Variants in PLEKHA7 observed in about 807,000 individuals in gnomAD.
PLEKHA7 encodes pleckstrin homology domain-containing family A member 7.
Under a neutral mutation model 170.0 loss-of-function variants are expected in PLEKHA7, and 104 were observed. The observed-to-expected ratio is 0.61, with a 90% confidence interval of 0.52 to 0.72. PLEKHA7 has a LOEUF of 0.72. Ranked by LOEUF, PLEKHA7 falls within the 30% of genes least tolerant of loss-of-function variation. The probability of loss-of-function intolerance (pLI) is 0.00; values close to 1 mark genes in which losing one functional copy is unlikely to be tolerated. For synonymous variants in PLEKHA7, 648 were observed against 660.8 expected, an observed-to-expected ratio of 0.98 and a Z score of 0.30; for missense variants, 1,615 against 1,671.7, an observed-to-expected ratio of 0.97 and a Z score of 0.59.
Position 16,789,838 on chromosome 11 carries a change from GGTGGACGACTGCTGGAGCCTTGAC to G in PLEKHA7, c.3069_3092del (p.Ser1024_Thr1031del). 4.3e-6 allele frequency: 7 copies of G among 1,614,144 alleles called. No homozygotes were observed. The highest frequency in any genetic ancestry group is 5.9e-6 in the Non-Finnish European group (7 of 1,180,002). ...TCCGGAGTGTGACGTAGGGAGCAAT[GGTGGACGACTGCTGGAGCCTTGAC>G]GTGGACCCTGAGAGCCCTTAGTGAG... On this transcript the variant is annotated inframe_deletion, in exon 22 of 27. Transcript: ENST00000531066. This position sits in a 1 kb window ranked among gnomAD's most constrained non-coding sequence, Gnocchi z 4.6.
At chr11:16,926,179 T>C (rs1016746026) in intron 3 of PLEKHA7, among the ~76,000 whole-genome samples, 3 of 152,238 alleles carry the variant, frequency 2.0e-5, no homozygotes, top group Non-Finnish European at 4.4e-5. Flanking sequence ...GAATGAAGAC[T>C]TGGTTGGATG....
intron 3 of PLEKHA7, among the ~76,000 whole-genome samples, chr11:16,944,589 A>G (rs942914333): frequency 6.6e-6 from 1 of 152,132 alleles, no homozygotes; most frequent in African/African-American, 2.4e-5. Context: ...ATATTTGACA[A>G]AACAGGGCAC....
rs760552695 is a variant in PLEKHA7 at position 16,794,594 on chromosome 11, C to T, written c.2639G>A (p.Arg880Gln). ...GTAGGTTTGCAGCTGGGGGAAGAGT[C>T]GAACCTCCAGAGGGGTCCGCACAGG... ...TSPVRTPLEV[R>Q]LFPQLQTYVP... Residue 880 changes from arginine to glutamine, a missense_variant, in exon 19 of 27, where the codon CGA becomes CAA. Transcript: ENST00000531066. The T allele has an allele frequency of 1.1e-5, 17 of 1,613,014 alleles. No individual in the cohort carries two copies. Among genetic ancestry groups the T allele is most frequent in the South Asian group, 5.5e-5 (5 of 90,958 alleles).
intron 3 of PLEKHA7, among the ~76,000 whole-genome samples, chr11:16,947,924 A>G (rs561301898): frequency 1.5e-5 from 2 of 135,250 alleles, no homozygotes; most frequent in Non-Finnish European, 3.4e-5. Context: ...TCAAAAAAAA[A>G]AAAAAAAAGA....
rs1402201331 is a variant in PLEKHA7 at position 16,855,859 on chromosome 11, T to C, written c.361A>G (p.Ser121Gly). Residue 121 changes from serine (S) to glycine (G), a missense_variant, in exon 5 of 27, where the codon AGT becomes GGT. Physicochemically the swap from Ser to Gly is moderately conservative, Grantham distance 56. Coordinates refer to ENST00000531066, the MANE Select transcript of PLEKHA7 (RefSeq NM_001329630.2). ...GCGGTCCCAGCCGTGGATGTTTCAC[T>C]GACCATGCTGGACGGTCTTTGGTTT... Reference protein sequence around the residue: ...DRNQRPSSMVSETSTAGTAST... With the variant: ...DRNQRPSSMVGETSTAGTAST... 6.2e-7 allele frequency: 1 copy of C among 1,614,210 alleles called. No individual in the cohort carries two copies. Among genetic ancestry groups the C allele is most frequent in the Non-Finnish European group, 8.5e-7 (1 of 1,180,036 alleles).
At chr11:16,826,741 C>T (rs1850687286) in intron 9 of PLEKHA7, 151 bp from the exon 10 acceptor site, 4 of 730,826 alleles carry the variant, frequency 5.5e-6, no homozygotes, top group South Asian at 3.7e-5. Context: ...GCCTGCCTAA[C>T]TTCTGCTCCT....
intron 3 of PLEKHA7, among the ~76,000 whole-genome samples, chr11:16,916,567 C>T (rs578215221): frequency 1.3e-5 from 2 of 152,172 alleles, no homozygotes; most frequent in Non-Finnish European, 2.9e-5. Flanking sequence ...AAAAAAGCCA[C>T]GGCAGTGCCT....
chr11:16,943,610 G>A (rs746018400), intron 3 of PLEKHA7, among the ~76,000 whole-genome samples: 45 of 152,280 alleles, frequency 3.0e-4, no homozygotes, highest in Admixed American at 1.2e-3. Flanking sequence ...CTCTGATTAA[G>A]TCATTGGGCA....
chr11:16,889,810 G>A (rs1164442900), intron 3 of PLEKHA7, among the ~76,000 whole-genome samples: 2 of 152,042 alleles, frequency 1.3e-5, no homozygotes, highest in African/African-American at 4.8e-5. Flanking sequence ...AGAACTCCTG[G>A]AAGATGCATT....
intron 3 of PLEKHA7, among the ~76,000 whole-genome samples, chr11:16,912,462 A>C (rs1368262845): frequency 6.6e-6 from 1 of 152,232 alleles, no homozygotes; most frequent in East Asian, 1.9e-4. Context: ...TCTGACATGG[A>C]TATTTTAAAT....
chr11:16,815,778 A>G (rs1849705959), intron 12 of PLEKHA7, among the ~76,000 whole-genome samples: 1 of 152,172 alleles, frequency 6.6e-6, no homozygotes, highest in African/African-American at 2.4e-5. Flanking sequence ...GGCCTCCCAA[A>G]GTGGTAGGAT....
Position 16,826,280 on chromosome 11 carries a change from C to T in PLEKHA7, c.1183G>A (p.Gly395Arg). ...GGGCCATATGAGGCAGGCAGCATTC[C>T]ATTCTTCTCTGCCCGTTGGGGCTGT... ...QAQPQRAEKNGMLPASYGPGE... is the reference protein window; with the variant it reads ...QAQPQRAEKNRMLPASYGPGE... Residue 395 changes from glycine to arginine, a missense_variant, in exon 10 of 27, where the codon GGA becomes AGA. Gly to Arg is a moderately radical substitution (Grantham distance 125). Transcript: ENST00000531066. 6.2e-7 allele frequency: 1 copy of T among 1,614,232 alleles called. No homozygotes were observed. The highest frequency in any genetic ancestry group is 8.5e-7 in the Non-Finnish European group (1 of 1,180,032).
intron 3 of PLEKHA7, among the ~76,000 whole-genome samples, chr11:17,002,534 T>C (rs554880264): frequency 6.6e-6 from 1 of 152,312 alleles, no homozygotes; most frequent in Non-Finnish European, 1.5e-5. Context: ...TCGGTGATGC[T>C]GGGGCCTTGG....
At chr11:16,944,967 T>C (rs904746297) in intron 3 of PLEKHA7, among the ~76,000 whole-genome samples, 5 of 152,086 alleles carry the variant, frequency 3.3e-5, no homozygotes, top group Non-Finnish European at 1.5e-5. Flanking sequence ...CACTTTTTTT[T>C]CCCCCTTCAC....
intron 6 of PLEKHA7, 125 bp downstream of exon 6, chr11:16,854,764 G>A: frequency 1.3e-6 from 1 of 762,130 alleles, no homozygotes; most frequent in Non-Finnish European, 2.2e-6. Context: ...GTAGAATCCA[G>A]CTGCCTCAGA....
intron 3 of PLEKHA7, among the ~76,000 whole-genome samples, chr11:16,909,477 C>G (rs1858094347): frequency 6.6e-6 from 1 of 152,178 alleles, no homozygotes; most frequent in Admixed American, 6.5e-5. Context: ...TGAAGGAAAA[C>G]AGAAGGCAGC....
intron 19 of PLEKHA7, among the ~76,000 whole-genome samples, chr11:16,792,408 A>C (rs1440817402): frequency 6.6e-6 from 1 of 152,230 alleles, no homozygotes; most frequent in African/African-American, 2.4e-5. Context: ...CTATAGCCAC[A>C]TGCAACAATG....
At chr11:16,841,458 A>T in intron 9 of PLEKHA7, 89 bp downstream of exon 9, 2 of 1,408,338 alleles carry the variant, frequency 1.4e-6, no homozygotes, top group Non-Finnish European at 1.9e-6. Context: ...CAAGTGAGTA[A>T]ATGGAATCTC....
At chr11:16,909,846 C>T (rs1858121094) in intron 3 of PLEKHA7, among the ~76,000 whole-genome samples, 2 of 152,204 alleles carry the variant, frequency 1.3e-5, no homozygotes, top group Non-Finnish European at 2.9e-5. Flanking sequence ...AATAAAGTGT[C>T]ATGGTTTCAC....
Sources: allele counts gnomAD v4.1 joint callset (sites outside exome capture counted in the v4.1 genomes callset), GRCh38; gene constraint gnomAD v4.1.1; non-coding constraint Gnocchi (gnomAD v3.1); transcripts MANE v1.5; gene names NCBI Gene and HGNC (gene_info 2026-07-23, HGNC 2026-07-21).